Variants in ERV3-1 observed in about 807,000 individuals in gnomAD.
ERV3-1 encodes the protein endogenous retrovirus group 3 member 1, envelope.
In ERV3-1, 36 loss-of-function variants were observed where a neutral mutation model predicts 24.6. That is an observed-to-expected ratio of 1.47 (90% CI 1.12 to 1.94). ERV3-1 has a LOEUF of 1.94. Among genes scored for constraint, ERV3-1 ranks in the 30% most tolerant of loss-of-function variants. ERV3-1 has a pLI of 0.00. For missense variants in ERV3-1, 578 were observed against 330.9 expected, an observed-to-expected ratio of 1.75 and a Z score of -5.79; for synonymous variants, 211 against 122.6, an observed-to-expected ratio of 1.72 and a Z score of -4.76.
intron 1 of ERV3-1, among the ~76,000 whole-genome samples, chr7:64,996,436 T>C (rs1386785567): frequency 6.6e-6 from 1 of 152,182 alleles, no homozygotes; most frequent in African/African-American, 2.4e-5. Flanking sequence ...ATTTTATCAA[T>C]TGGCCTAAAT....
chr7:64,998,658 G>A (rs73365389), intron 1 of ERV3-1, among the ~76,000 whole-genome samples: 2,110 of 152,176 alleles, frequency 0.014, 40 homozygotes, highest in African/African-American at 0.048. Context: ...TGATTAGACC[G>A]TGTCCCTTGC....
chr7:64,996,446 TAA>T (rs1193399305), intron 1 of ERV3-1, among the ~76,000 whole-genome samples: 1 of 152,178 alleles, frequency 6.6e-6, no homozygotes, highest in Non-Finnish European at 1.5e-5. Flanking sequence ...TTGGCCTAAA[TAA>T]TAATTTCTCT....
At chr7:64,997,433 T>A (rs867897829) in intron 1 of ERV3-1, among the ~76,000 whole-genome samples, 3 of 152,324 alleles carry the variant, frequency 2.0e-5, no homozygotes, top group Middle Eastern at 3.4e-3. Context: ...TAGAATGCTT[T>A]ACAGAGTCTC....
At chr7:64,999,372 C>A (rs373355437) in intron 1 of ERV3-1, among the ~76,000 whole-genome samples, 1 of 152,300 alleles carries the variant, frequency 6.6e-6, no homozygotes, top group East Asian at 1.9e-4. Flanking sequence ...GCTGGAGAGA[C>A]CACTTGGTGG....
Position 64,991,989 on chromosome 7 carries a change from A to C in ERV3-1, c.1038T>G (p.Ile346Met). The stretch of plus-strand genomic sequence containing the variant: ...CTGTAAAGGCCTTTCCCCAGCGAGC[A>C]ATACAGAATTTTCCAATAATGGAGG... Reference protein sequence around the residue: ...LKTSIIGKFCIARWGKAFTDP... With the variant: ...LKTSIIGKFCMARWGKAFTDP... The change falls in exon 2 of 2, where the codon ATT becomes ATG. Residue 346 changes from isoleucine (I) to methionine (M), a missense_variant. Coordinates refer to ENST00000394323, the MANE Select transcript of ERV3-1 (RefSeq NM_001007253.4). The C allele has an allele frequency of 1.3e-6, 1 of 766,416 alleles. No homozygotes were observed. Among genetic ancestry groups the C allele is most frequent in the South Asian group, 1.3e-5 (1 of 74,626 alleles). The allele number at this position is 766,416 out of a possible 1,614,324, so 47.5% of individuals were successfully genotyped here.
At position 65,006,685 on chromosome 7, in the gene ERV3-1, G is replaced by A; in HGVS notation, c.-533C>T. 2.1e-6 allele frequency: 3 copies of A among 1,451,672 alleles called. No individual in the cohort carries two copies. Among genetic ancestry groups the A allele is most frequent in the South Asian group, 1.2e-5 (1 of 86,482 alleles). The allele number at this position is 1,451,672 out of a possible 1,614,324, so 89.9% of individuals were successfully genotyped here. A position where few individuals can be genotyped will look rare whatever the true frequency, so the allele number is the denominator to read the frequency against. On this transcript the variant is annotated 5_prime_UTR_variant, in exon 1 of 2. Coordinates refer to ENST00000394323, the MANE Select transcript of ERV3-1 (RefSeq NM_001007253.4). Reference sequence around the variant, plus strand: ...ACCAGAAGCTCCGGCTGCCGCCAGAGACAAAGGCCCCACCAAACCCGGAAG... The same window carrying A: ...ACCAGAAGCTCCGGCTGCCGCCAGAAACAAAGGCCCCACCAAACCCGGAAG...
chr7:64,992,041 G>C lies in ERV3-1; in HGVS notation c.986C>G (p.Ser329Ter). 1.3e-6 allele frequency: 1 copy of C among 766,418 alleles called. No homozygotes were observed. The highest frequency in any genetic ancestry group is 2.4e-6 in the Non-Finnish European group (1 of 417,922). The allele number at this position is 766,418 out of a possible 1,614,324, so 47.5% of individuals were successfully genotyped here. Residue 329 changes from serine (S) to a stop codon, truncating the protein, a stop_gained, in exon 2 of 2, where the codon TCA (serine) becomes TGA (stop). Coordinates refer to ENST00000394323, the MANE Select transcript of ERV3-1 (RefSeq NM_001007253.4). LOFTEE classifies it high-confidence loss of function. ...LTASSLEPAP[S>*]SQSIWFLKTS... is the part of the protein sequence containing the mutation. ...TTTTAAGAACCAGATGCTCTGACTT[G>C]ATGGTGCAGGTTCGAGGGAAGAGGC...
chr7:64,999,154 C>A (rs576612940), intron 1 of ERV3-1, among the ~76,000 whole-genome samples: 1 of 152,310 alleles, frequency 6.6e-6, no homozygotes, highest in Admixed American at 6.5e-5. Context: ...TGGAATCGTC[C>A]TGTAGCCCCT....
chr7:64,994,064 G>C (rs1230240660), intron 1 of ERV3-1, among the ~76,000 whole-genome samples: 1 of 152,114 alleles, frequency 6.6e-6, no homozygotes, highest in Non-Finnish European at 1.5e-5. Context: ...AAAAGGTGTA[G>C]ACAAGTACTA....
Position 64,991,742 on chromosome 7 carries a change from G to A in ERV3-1, c.1285C>T (p.Leu429=). The change falls in exon 2 of 2, where the codon CTG becomes TTG. Residue 429 remains leucine (L), a synonymous_variant. Transcript: ENST00000394323. ...WICGPQAYRQ[L]PAKWSGACVL... is the part of the protein sequence containing the mutation. ...CAGGCCCCTGACCATTTAGCTGGCA[G>A]TTGTCGATATGCTTGTGGCCCACAG... 1.3e-6 allele frequency: 1 copy of A among 765,962 alleles called. No homozygotes were observed. Among genetic ancestry groups the A allele is most frequent in the Middle Eastern group, 2.3e-4 (1 of 4,438 alleles). 47.4% of individuals were successfully genotyped at this position (765,962 alleles called of 1,614,324 possible).
chr7:65,003,115 G>T (rs563127197), intron 1 of ERV3-1, among the ~76,000 whole-genome samples: 1 of 152,060 alleles, frequency 6.6e-6, no homozygotes, highest in African/African-American at 2.4e-5. Context: ...CAGTATAAAG[G>T]CTTCTTCCAT....
intron 1 of ERV3-1, among the ~76,000 whole-genome samples, chr7:64,994,922 G>T (rs915841146): frequency 1.3e-5 from 2 of 152,202 alleles, no homozygotes; most frequent in African/African-American, 4.8e-5. Flanking sequence ...GCACAAAACT[G>T]CTTCCATCTA....
chr7:64,999,066 T>C (rs1360559578), intron 1 of ERV3-1, among the ~76,000 whole-genome samples: 1 of 152,176 alleles, frequency 6.6e-6, no homozygotes, highest in African/African-American at 2.4e-5. Context: ...CAGGAGGTGA[T>C]CAGGCTCCCC....
intron 1 of ERV3-1, among the ~76,000 whole-genome samples, chr7:64,994,075 A>C (rs1361237554): frequency 6.6e-6 from 1 of 152,118 alleles, no homozygotes; most frequent in East Asian, 1.9e-4. Flanking sequence ...ACAAGTACTA[A>C]CATGTACCGA....
rs752320892 is a variant in ERV3-1 at position 64,992,027 on chromosome 7, A to G, written c.1000T>C (p.Trp334Arg). Reference protein sequence around the residue: ...LEPAPSSQSIWFLKTSIIGKF... With the variant: ...LEPAPSSQSIRFLKTSIIGKF... ...CCAATAATGGAGGTTTTTAAGAACC[A>G]GATGCTCTGACTTGATGGTGCAGGT... The change falls in exon 2 of 2, where the codon TGG (tryptophan) becomes CGG (arginine). Residue 334 changes from tryptophan to arginine, a missense_variant. Coordinates refer to ENST00000394323, the MANE Select transcript of ERV3-1 (RefSeq NM_001007253.4). 4 of 766,454 alleles carry G rather than the reference A, an allele frequency of 5.2e-6. No individual in the cohort carries two copies. The highest frequency in any genetic ancestry group is 4.0e-5 in the South Asian group (3 of 74,628). 47.5% of individuals were successfully genotyped at this position (766,454 alleles called of 1,614,324 possible).
chr7:65,003,213 G>C (rs532482324), intron 1 of ERV3-1, among the ~76,000 whole-genome samples: 2 of 152,198 alleles, frequency 1.3e-5, no homozygotes, highest in African/African-American at 4.8e-5. Flanking sequence ...CCCTGGCTGG[G>C]TGCAGTGGCT....
At chr7:65,001,223 G>C (rs556706236) in intron 1 of ERV3-1, among the ~76,000 whole-genome samples, 2 of 152,282 alleles carry the variant, frequency 1.3e-5, no homozygotes, top group East Asian at 3.9e-4. Context: ...CATAATGTAC[G>C]TGTAAGGAAT....
chr7:64,998,738 T>C (rs1460425635), intron 1 of ERV3-1, among the ~76,000 whole-genome samples: 3 of 152,000 alleles, frequency 2.0e-5, no homozygotes, highest in Non-Finnish European at 4.4e-5. Flanking sequence ...ACCACCACAA[T>C]CTATAAGTTG....
chr7:64,998,987 T>C lies in ERV3-1; in HGVS notation c.-388-5573A>G, dbSNP rs570228335. Among the ~76,000 whole-genome samples the C allele has an allele frequency of 2.6e-5, 4 of 152,304 alleles. No homozygotes were observed. The East Asian group carries it at 7.7e-4, about 29-fold the overall frequency. On this transcript the variant is annotated intron_variant, in intron 1 of 1. Transcript: ENST00000394323. ...GAGCCACTCTCACGTCCTGGGTCAG[T>C]TGGGGTGTAGGTTTCTTCCAACTTT...
Sources: gnomAD v4.1 joint callset for allele counts (sites outside exome capture counted in the v4.1 genomes callset) on GRCh38, gnomAD v4.1.1 for gene constraint, MANE v1.5 for transcripts, NCBI Gene and HGNC (gene_info 2026-07-23, HGNC 2026-07-21) for gene names.